MARK1: variants seen among roughly 807,000 people sequenced by gnomAD.
MARK1 encodes the protein microtubule affinity regulating kinase 1.
A neutral mutation model predicts 96.3 loss-of-function variants in MARK1; 40 were observed. The ratio of observed to expected loss-of-function variants is 0.42; its 90% CI spans 0.32 to 0.54. MARK1 has a LOEUF of 0.54. MARK1 is among the 20% of genes least tolerant of loss of function. The pLI, the probability that MARK1 is intolerant of heterozygous loss-of-function variation, is 0.16. For missense variants in MARK1, 719 were observed against 984.6 expected (o/e 0.73, Z 3.61); for synonymous variants, 317 against 341.2 (o/e 0.93, Z 0.78).
At chr1:220,555,807 A>G (rs533158793) in intron 1 of MARK1, among the ~76,000 whole-genome samples, 3 of 152,340 alleles carry the variant, frequency 2.0e-5, no homozygotes, top group African/African-American at 4.8e-5. Context: ...CATATGGTAC[A>G]GATAATATTG....
chr1:220,656,637 A>T (rs995400340), intron 16 of MARK1, among the ~76,000 whole-genome samples: 1 of 152,190 alleles, frequency 6.6e-6, no homozygotes, highest in Non-Finnish European at 1.5e-5. Context: ...ATTTATTTCA[A>T]TGTGCTATAA....
chr1:220,637,759 A>G (rs1450769472), intron 13 of MARK1, among the ~76,000 whole-genome samples: 1 of 152,118 alleles, frequency 6.6e-6, no homozygotes, highest in Non-Finnish European at 1.5e-5. Flanking sequence ...AAGGGTGAAC[A>G]ATGTAAGAAC....
chr1:220,635,573 C>A (rs936809247), intron 12 of MARK1, 44 bp downstream of exon 12: 1 of 1,581,796 alleles, frequency 6.3e-7, no homozygotes, highest in Non-Finnish European at 8.6e-7. Flanking sequence ...ACGGGTTCTT[C>A]CCAAATTTGT....
At chr1:220,591,876 G>T (rs539166992) in intron 3 of MARK1, among the ~76,000 whole-genome samples, 165 of 151,928 alleles carry the variant, frequency 1.1e-3, no homozygotes, top group Non-Finnish European at 2.1e-3. Context: ...ATTAATGAGA[G>T]AATTGAATGA....
chr1:220,536,421 A>T (rs1249900548), intron 1 of MARK1, among the ~76,000 whole-genome samples: 5 of 151,442 alleles, frequency 3.3e-5, no homozygotes, highest in Middle Eastern at 3.4e-3. Flanking sequence ...TTTCCCACAC[A>T]ATACATTTTA....
chr1:220,604,256 T>C, intron 6 of MARK1, 119 bp downstream of exon 6: 1 of 533,036 alleles, frequency 1.9e-6, no homozygotes, highest in Non-Finnish European at 3.3e-6. Flanking sequence ...CCTGCTTTCT[T>C]ATATTTTTAA....
intron 6 of MARK1, among the ~76,000 whole-genome samples, chr1:220,605,032 G>A (rs991795576): frequency 3.3e-5 from 5 of 151,768 alleles, no homozygotes. Context: ...CAGTATGTTC[G>A]GAAAAGACCA....
chr1:220,532,650 A>G (rs765678505), intron 1 of MARK1, among the ~76,000 whole-genome samples: 1 of 152,128 alleles, frequency 6.6e-6, no homozygotes, highest in Non-Finnish European at 1.5e-5. Flanking sequence ...GACACCTTCC[A>G]CTATTACTGT....
chr1:220,648,297 G>GT (rs918299720), intron 13 of MARK1, among the ~76,000 whole-genome samples: 1 of 152,200 alleles, frequency 6.6e-6, no homozygotes, highest in African/African-American at 2.4e-5. Flanking sequence ...TGCAAGGGTA[G>GT]TTTTCCACCT....
At chr1:220,641,414 G>T (rs1222541709) in intron 13 of MARK1, among the ~76,000 whole-genome samples, 4 of 152,088 alleles carry the variant, frequency 2.6e-5, no homozygotes, top group African/African-American at 9.7e-5. Context: ...CAAAAAGATG[G>T]CCATCTAGGA....
At chr1:220,634,573 T>C (rs1187091989) in intron 11 of MARK1, among the ~76,000 whole-genome samples, 1 of 152,226 alleles carries the variant, frequency 6.6e-6, no homozygotes, top group Non-Finnish European at 1.5e-5. Flanking sequence ...ATTATGTGCT[T>C]AAAAACTTGA....
Position 220,618,295 on chromosome 1 carries a change from T to A in MARK1, c.553-15T>A. On this transcript the variant is annotated splice_polypyrimidine_tract_variant and intron_variant, in intron 7 of 17. Coordinates refer to ENST00000366917, the MANE Select transcript of MARK1 (RefSeq NM_018650.5). The surrounding 1 kb of genome is among the most constrained non-coding windows in gnomAD (Gnocchi z 4.6). ...TAGGCTTTTTACATTGTTCTTTCTA[T>A]TATTTTCCTCTTAGGCTGAAAACCT... 2 of 1,483,984 alleles carry A rather than the reference T, an allele frequency of 1.3e-6. No homozygotes were observed. Among genetic ancestry groups the A allele is most frequent in the Non-Finnish European group, 1.9e-6 (2 of 1,062,968 alleles). 91.9% of individuals were successfully genotyped at this position (1,483,984 alleles called of 1,614,324 possible). A position where few individuals can be genotyped will look rare whatever the true frequency, so the allele number is the denominator to read the frequency against.
In MARK1 at chr1:220,528,520, A is replaced by C; in HGVS notation, c.-303A>C. The C allele has an allele frequency of 2.4e-6, 1 of 424,042 alleles. No homozygotes were observed. The highest frequency in any genetic ancestry group is 3.9e-5 in the South Asian group (1 of 25,430). 26.3% of individuals were successfully genotyped at this position (424,042 alleles called of 1,614,324 possible). On this transcript the variant is annotated 5_prime_UTR_variant, in exon 1 of 18. Coordinates refer to ENST00000366917, the MANE Select transcript of MARK1 (RefSeq NM_018650.5). ...GCCACCGCCTCCCGGCTCCCCTTCC[A>C]CGCCTCATCCTGCCAGCCTCGCCGC...
At chr1:220,614,132 C>T (rs570525923) in intron 6 of MARK1, among the ~76,000 whole-genome samples, 46 of 152,084 alleles carry the variant, frequency 3.0e-4, no homozygotes, top group African/African-American at 9.6e-4. Context: ...CTCAGCCTCC[C>T]GTGTAGCTGG....
intron 1 of MARK1, among the ~76,000 whole-genome samples, chr1:220,552,348 C>T (rs1467075436): frequency 6.6e-6 from 1 of 152,160 alleles, no homozygotes; most frequent in East Asian, 1.9e-4. Context: ...TTATTGATTC[C>T]TGAACCTGTG....
chr1:220,581,340 T>C (rs999394248), intron 3 of MARK1, among the ~76,000 whole-genome samples: 6 of 152,200 alleles, frequency 3.9e-5, no homozygotes, highest in African/African-American at 1.4e-4. Context: ...GAAATGTATC[T>C]CTTCTATTCA....
chr1:220,595,152 C>A (rs1229308203), intron 3 of MARK1, among the ~76,000 whole-genome samples: 1 of 152,024 alleles, frequency 6.6e-6, no homozygotes, highest in Admixed American at 6.6e-5. Flanking sequence ...TTGCTGTGAA[C>A]CTAAAACTGC....
intron 3 of MARK1, among the ~76,000 whole-genome samples, chr1:220,596,120 A>G (rs1268763957): frequency 2.6e-5 from 4 of 152,212 alleles, no homozygotes; most frequent in African/African-American, 9.7e-5. Context: ...GTAGTCAGCA[A>G]CAAATCGATG....
chr1:220,622,282 C>G (rs570556176), intron 9 of MARK1, among the ~76,000 whole-genome samples: 2 of 152,140 alleles, frequency 1.3e-5, no homozygotes, highest in African/African-American at 4.8e-5. Flanking sequence ...CCAAGATGGA[C>G]TATATTACCT....
Sources: allele counts gnomAD v4.1 joint callset (sites outside exome capture counted in the v4.1 genomes callset), GRCh38; gene constraint gnomAD v4.1.1; non-coding constraint Gnocchi (gnomAD v3.1); transcripts MANE v1.5; gene names NCBI Gene and HGNC (gene_info 2026-07-23, HGNC 2026-07-21).